KIAA1958: variants seen among roughly 807,000 people sequenced by gnomAD.
KIAA1958 encodes uncharacterized protein KIAA1958.
In KIAA1958, 14 loss-of-function variants were observed where a neutral mutation model predicts 47.2. The ratio of observed to expected loss-of-function variants is 0.30; its 90% CI spans 0.20 to 0.46. The LOEUF (loss-of-function observed/expected upper bound fraction) is 0.46, where lower values mean the gene tolerates loss of function less well. Ranked by LOEUF, KIAA1958 falls within the 20% of genes least tolerant of loss-of-function variation. The pLI is 1.00. For synonymous variants in KIAA1958, 354 were observed against 353.3 expected (o/e 1.00, Z -0.02); for missense variants, 803 against 909.2 (o/e 0.88, Z 1.50).
At chr9:112,627,033 G>A (rs1836629386) in intron 2 of KIAA1958, among the ~76,000 whole-genome samples, 1 of 152,200 alleles carries the variant, frequency 6.6e-6, no homozygotes, top group Non-Finnish European at 1.5e-5. Flanking sequence ...ACATTTCTAT[G>A]TGTGACTTAA....
rs143441338 is a variant in KIAA1958, at chr9:112,625,479, A to G, written c.1172-20171A>G. On this transcript the variant is annotated intron_variant, in intron 2 of 3. Transcript: ENST00000337530. ...CATCCACCCTTTAACAAAAGAGGCA[A>G]TAGCCCCAGAGAAAGGAGGTGAATG... Among the ~76,000 whole-genome samples, 689 of 152,250 alleles carry G rather than the reference A, an allele frequency of 4.5e-3. 2 individuals are homozygous for G. The highest frequency in any genetic ancestry group is 0.01 in the Middle Eastern group (3 of 294).
chr9:112,512,467 A>G (rs1834339246), intron 1 of KIAA1958, among the ~76,000 whole-genome samples: 1 of 152,256 alleles, frequency 6.6e-6, no homozygotes, highest in Admixed American at 6.5e-5. Flanking sequence ...ATTAAAAAAA[A>G]AACTCTTAGC....
chr9:112,543,972 ACTAT>A lies in KIAA1958; in HGVS notation c.-24-30080_-24-30077del, dbSNP rs1390487970. On this transcript the variant is annotated intron_variant, in intron 1 of 3. Transcript: ENST00000337530. ...ACATATATGAAATGTCTGTCATGGA[ACTAT>A]CTATTTTCCTTTTATTTGTATTGCT... Among the ~76,000 whole-genome samples, 8 of 152,180 alleles carry A rather than the reference ACTAT, an allele frequency of 5.3e-5. No individual in the cohort carries two copies. The East Asian group carries it at 1.5e-3, about 29-fold the overall frequency.
chr9:112,546,283 A>C (rs978119969), intron 1 of KIAA1958, among the ~76,000 whole-genome samples: 2 of 152,220 alleles, frequency 1.3e-5, no homozygotes, highest in Non-Finnish European at 2.9e-5. Context: ...TACAGTCATC[A>C]TGGCAATGTA....
In KIAA1958 at chr9:112,618,533, C is replaced by T. The variant is rs1390996032; in HGVS notation, c.1172-27117C>T. The T allele has an allele frequency of 1.3e-6, 2 of 1,550,598 alleles. No homozygotes were observed. Among genetic ancestry groups the T allele is most frequent in the East Asian group, 4.9e-5 (2 of 40,932 alleles). On this transcript the variant is annotated intron_variant, in intron 2 of 3. Transcript: ENST00000337530. This position sits in a 1 kb window ranked among gnomAD's most constrained non-coding sequence, Gnocchi z 7.1. Reference sequence around the variant, plus strand: ...CCGTGTGTATGCCACCCAGCACGCCCCACAGACCTGCCCTGTCCAGGACTA... The same window carrying T: ...CCGTGTGTATGCCACCCAGCACGCCTCACAGACCTGCCCTGTCCAGGACTA...
At chr9:112,617,905 G>A in intron 2 of KIAA1958, 5 of 1,550,320 alleles carry the variant, frequency 3.2e-6, no homozygotes, top group Non-Finnish European at 4.4e-6. Flanking sequence ...TCAGCAGGGA[G>A]CAGAACGAGA....
intron 2 of KIAA1958, among the ~76,000 whole-genome samples, chr9:112,607,826 A>G (rs1057408953): frequency 3.3e-5 from 5 of 151,466 alleles, no homozygotes; most frequent in Non-Finnish European, 7.4e-5. Context: ...TGGCTTTTCT[A>G]AGACAACATT....
intron 1 of KIAA1958, among the ~76,000 whole-genome samples, chr9:112,556,748 C>T (rs541623815): frequency 8.5e-4 from 130 of 152,264 alleles, no homozygotes; most frequent in South Asian, 2.3e-3. Context: ...GGGAGTGTTG[C>T]AGTTGGATTG....
At chr9:112,597,945 T>C (rs948075614) in intron 2 of KIAA1958, among the ~76,000 whole-genome samples, 8 of 152,082 alleles carry the variant, frequency 5.3e-5, no homozygotes, top group African/African-American at 1.9e-4. Flanking sequence ...GATGAAACAG[T>C]GGGGAAAAAA....
At chr9:112,573,343 T>C (rs528477164) in intron 1 of KIAA1958, among the ~76,000 whole-genome samples, 1 of 152,210 alleles carries the variant, frequency 6.6e-6, no homozygotes, top group African/African-American at 2.4e-5. Flanking sequence ...ACAGGAAGCC[T>C]GGTCCTAAGA....
intron 3 of KIAA1958, among the ~76,000 whole-genome samples, chr9:112,651,397 A>AT (rs34799388): frequency 1.1e-3 from 161 of 141,494 alleles, no homozygotes; most frequent in Middle Eastern, 7.4e-3. Flanking sequence ...ATATATACAT[A>AT]TTTTTTTTTT....
chr9:112,541,667 C>T (rs1362187934), intron 1 of KIAA1958, among the ~76,000 whole-genome samples: 2 of 151,934 alleles, frequency 1.3e-5, no homozygotes, highest in African/African-American at 4.8e-5. Context: ...AATAGTTGGG[C>T]ATGGTGGTGG....
At position 112,666,613 on chromosome 9, in the gene KIAA1958, C is replaced by G. The variant is rs911873125; in HGVS notation, c.*6544C>G. ...CCCAGAAGAAGGCCAAATCTCAATT[C>G]TAGAATCTAGAAGGAATTGATGTAA... is the stretch of plus-strand genomic sequence containing the variant. On this transcript the variant is annotated 3_prime_UTR_variant, in exon 4 of 4. Transcript: ENST00000337530. The G allele has an allele frequency of 2.0e-5, 3 of 152,158 alleles. No homozygotes were observed. Among genetic ancestry groups the G allele is most frequent in the African/African-American group, 7.2e-5 (3 of 41,420 alleles). The allele number at this position is 152,158 out of a possible 1,614,324, so 9.4% of individuals were successfully genotyped here.
intron 1 of KIAA1958, among the ~76,000 whole-genome samples, chr9:112,507,756 C>G (rs1834255489): frequency 6.6e-6 from 1 of 151,936 alleles, no homozygotes; most frequent in Admixed American, 6.6e-5. Flanking sequence ...ATCTGTTTTT[C>G]TTTCTCTCTC....
intron 3 of KIAA1958, among the ~76,000 whole-genome samples, chr9:112,654,627 T>A (rs905114322): frequency 1.3e-5 from 2 of 149,636 alleles, no homozygotes; most frequent in African/African-American, 4.9e-5. Context: ...ACCAAAGGAG[T>A]CTCGACTACT....
At chr9:112,544,057 T>G (rs1834989214) in intron 1 of KIAA1958, among the ~76,000 whole-genome samples, 1 of 152,170 alleles carries the variant, frequency 6.6e-6, no homozygotes, top group Non-Finnish European at 1.5e-5. Flanking sequence ...GTCTCTATTG[T>G]CTTAGTAAAG....
chr9:112,502,558 A>G (rs1834161298), intron 1 of KIAA1958, among the ~76,000 whole-genome samples: 1 of 152,218 alleles, frequency 6.6e-6, no homozygotes, highest in Admixed American at 6.5e-5. Context: ...TTCCATGATT[A>G]TCACTTTGAA....
At chr9:112,606,172 T>TG (rs1836230846) in intron 2 of KIAA1958, among the ~76,000 whole-genome samples, 2 of 152,168 alleles carry the variant, frequency 1.3e-5, no homozygotes, top group Non-Finnish European at 2.9e-5. Context: ...GTTTCAGGCT[T>TG]CAGCACCTGG....
At chr9:112,616,301 T>C (rs914371834) in intron 2 of KIAA1958, among the ~76,000 whole-genome samples, 1 of 152,256 alleles carries the variant, frequency 6.6e-6, no homozygotes, top group Non-Finnish European at 1.5e-5. Flanking sequence ...CTAACTAGTT[T>C]TGTGAATTTT....
Sources: gnomAD v4.1 joint callset for allele counts (sites outside exome capture counted in the v4.1 genomes callset) on GRCh38, gnomAD v4.1.1 for gene constraint, Gnocchi (gnomAD v3.1) non-coding constraint, MANE v1.5 for transcripts, NCBI Gene and HGNC (gene_info 2026-07-23, HGNC 2026-07-21) for gene names.